TRERF1: variants seen among roughly 807,000 people sequenced by gnomAD.
The protein encoded by TRERF1 is transcriptional regulating factor 1.
Under a neutral mutation model 122.9 loss-of-function variants are expected in TRERF1, and 27 were observed. The observed-to-expected ratio is 0.22, with a 90% CI of 0.16 to 0.30. The LOEUF (loss-of-function observed/expected upper bound fraction) is 0.30. Among genes scored for constraint, TRERF1 ranks in the 10% least tolerant of loss-of-function variants. The pLI is 1.00. For synonymous variants in TRERF1, 636 were observed against 641.7 expected, an observed-to-expected ratio of 0.99 and a Z score of 0.13; for missense variants, 1,248 against 1,560.3, an observed-to-expected ratio of 0.80 and a Z score of 3.37.
At chr6:42,374,253 C>T (rs1277402300) in intron 2 of TRERF1, among the ~76,000 whole-genome samples, 1 of 152,174 alleles carries the variant, frequency 6.6e-6, no homozygotes, top group Non-Finnish European at 1.5e-5. Context: ...CCTACACACT[C>T]TGTTCTCTGC....
intron 16 of TRERF1, among the ~76,000 whole-genome samples, chr6:42,234,441 G>A (rs183733263): frequency 6.6e-5 from 10 of 151,880 alleles, no homozygotes; most frequent in South Asian, 2.1e-4. Flanking sequence ...GGGTTTAAGC[G>A]ATTCTCCTGC....
intron 8 of TRERF1, among the ~76,000 whole-genome samples, chr6:42,262,601 C>CAGAG (rs1554134255): frequency 3.4e-5 from 2 of 59,132 alleles, no homozygotes; most frequent in African/African-American, 8.2e-5. Context: ...GAGAGAGAGA[C>CAGAG]AGACAGACGG....
chr6:42,299,137 C>CAT (rs35015885), intron 4 of TRERF1, among the ~76,000 whole-genome samples: 1,982 of 132,202 alleles, frequency 0.015, 33 homozygotes, highest in Non-Finnish European at 0.022. Context: ...TATCTATCTA[C>CAT]ATATATATAT....
At chr6:42,430,352 C>T (rs778141075) in intron 2 of TRERF1, among the ~76,000 whole-genome samples, 59 of 152,212 alleles carry the variant, frequency 3.9e-4, no homozygotes, top group Non-Finnish European at 8.2e-4. Flanking sequence ...CCCACACCTA[C>T]TGCCCCCCAA....
intron 4 of TRERF1, among the ~76,000 whole-genome samples, chr6:42,289,622 T>G (rs1783950961): frequency 6.6e-6 from 1 of 152,184 alleles, no homozygotes; most frequent in South Asian, 2.1e-4. Flanking sequence ...ATAGGATTGT[T>G]TTTTGGAGAG....
At chr6:42,313,850 G>A (rs1315624988) in intron 3 of TRERF1, among the ~76,000 whole-genome samples, 3 of 152,168 alleles carry the variant, frequency 2.0e-5, no homozygotes, top group African/African-American at 7.2e-5. Flanking sequence ...AAGCGGGGAG[G>A]TGCTGCAGAC....
intron 2 of TRERF1, among the ~76,000 whole-genome samples, chr6:42,369,876 C>T (rs906347336): frequency 2.6e-5 from 4 of 152,064 alleles, no homozygotes; most frequent in Non-Finnish European, 5.9e-5. Flanking sequence ...AAAACTTCTC[C>T]GTCTCCTCCT....
chr6:42,418,167 C>T (rs11752699), intron 2 of TRERF1, among the ~76,000 whole-genome samples: 4,875 of 137,140 alleles, frequency 0.036, 116 homozygotes, highest in Middle Eastern at 0.07. Context: ...GAGGTTGGTT[C>T]GTTGGTTCAT....
In TRERF1 at chr6:42,269,789, T is replaced by C; in HGVS notation, c.-199A>G. On this transcript the variant is annotated 5_prime_UTR_variant, in exon 5 of 18. It removes an upstream start codon present in the reference 5' UTR. Transcript: ENST00000372922. This position sits in a 1 kb window ranked among gnomAD's most constrained non-coding sequence, Gnocchi z 4.9. ...CATGTGCAGGGCGGGGGGTTTCACA[T>C]CCTCTCCCTGGCTGAGGTATAGACC... The C allele has an allele frequency of 1.4e-6, 2 of 1,413,706 alleles. No homozygotes were observed. Among genetic ancestry groups the C allele is most frequent in the Non-Finnish European group, 1.8e-6 (2 of 1,082,514 alleles). The allele number at this position is 1,413,706 out of a possible 1,614,324, so 87.6% of individuals were successfully genotyped here. A position where few individuals can be genotyped will look rare whatever the true frequency, so the allele number is the denominator to read the frequency against.
At chr6:42,315,228 T>C (rs770964286) in intron 3 of TRERF1, among the ~76,000 whole-genome samples, 1 of 152,202 alleles carries the variant, frequency 6.6e-6, no homozygotes. Flanking sequence ...GGAAGTGCTA[T>C]TGGCACCTGG....
chr6:42,437,476 CA>C (rs1225010604), intron 2 of TRERF1, among the ~76,000 whole-genome samples: 1 of 152,240 alleles, frequency 6.6e-6, no homozygotes, highest in East Asian at 1.9e-4. Context: ...ATTTTACTCT[CA>C]AAATAAACCT....
chr6:42,338,216 C>T (rs1373336561), intron 3 of TRERF1, among the ~76,000 whole-genome samples: 1 of 152,192 alleles, frequency 6.6e-6, no homozygotes, highest in Non-Finnish European at 1.5e-5. Flanking sequence ...GAGCTGGCCT[C>T]TGCTGGGCAC....
intron 15 of TRERF1, among the ~76,000 whole-genome samples, chr6:42,238,521 G>A (rs7742481): frequency 0.033 from 4,981 of 152,180 alleles, 293 homozygotes; most frequent in African/African-American, 0.11. Context: ...CAACAAGTTG[G>A]TCATTTTATG....
intron 3 of TRERF1, among the ~76,000 whole-genome samples, chr6:42,346,262 C>T (rs573630448): frequency 1.3e-5 from 2 of 152,342 alleles, no homozygotes; most frequent in East Asian, 3.9e-4. Flanking sequence ...ACCGATTCCC[C>T]TGCCCCTGCC....
chr6:42,321,005 G>C (rs1763348462), intron 3 of TRERF1, among the ~76,000 whole-genome samples: 1 of 152,102 alleles, frequency 6.6e-6, no homozygotes, highest in African/African-American at 2.4e-5. Context: ...ATGGCCACAG[G>C]CTCATGACTC....
chr6:42,434,850 G>A (rs993740376), intron 2 of TRERF1, among the ~76,000 whole-genome samples: 8 of 152,096 alleles, frequency 5.3e-5, no homozygotes, highest in East Asian at 1.9e-4. Flanking sequence ...ACAATGGGCC[G>A]GGTGTGGTGG....
chr6:42,424,802 C>T (rs1783355451), intron 2 of TRERF1, among the ~76,000 whole-genome samples: 1 of 152,180 alleles, frequency 6.6e-6, no homozygotes. Context: ...AGATCCTCTC[C>T]CAGCCTAACT....
exon 18 of TRERF1, chr6:42,227,492 C>T (rs1158161569): frequency 2.0e-5 from 3 of 152,156 alleles, no homozygotes; most frequent in African/African-American, 4.8e-5. Flanking sequence ...AATATGTGTC[C>T]TTCAATCACC....
intron 16 of TRERF1, among the ~76,000 whole-genome samples, chr6:42,233,375 TC>T (rs1264420196): frequency 7.0e-6 from 1 of 143,768 alleles, no homozygotes; most frequent in Admixed American, 7.3e-5. Context: ...AAGCTCCGCC[TC>T]CCAGGTTCAC....
Sources: allele counts gnomAD v4.1 joint callset (sites outside exome capture counted in the v4.1 genomes callset), GRCh38; gene constraint gnomAD v4.1.1; non-coding constraint Gnocchi (gnomAD v3.1); transcripts MANE v1.5; gene names NCBI Gene and HGNC (gene_info 2026-07-23, HGNC 2026-07-21).